The following RORA variants were observed in gnomAD, a reference collection of about 807,000 sequenced individuals.
RORA encodes the protein RAR related orphan receptor A.
RORA carries 7 observed loss-of-function variants against 69.5 expected under a neutral mutation model. The observed-to-expected ratio is 0.10, with a 90% CI of 0.06 to 0.19. The LOEUF is 0.19. Among genes scored for constraint, RORA ranks in the 10% least tolerant of loss-of-function variants. RORA has a pLI of 1.00. For missense variants in RORA, 457 were observed against 663.0 expected (o/e 0.69, Z 3.41); for synonymous variants, 261 against 240.8 (o/e 1.08, Z -0.78).
intron 2 of RORA, among the ~76,000 whole-genome samples, chr15:60,549,440 G>A (rs1464595964): frequency 2.0e-5 from 3 of 152,140 alleles, no homozygotes; most frequent in African/African-American, 4.8e-5. Flanking sequence ...TATTTGCTAT[G>A]TTTTTTAGTG....
At chr15:60,803,146 T>C (rs1420850544) in intron 1 of RORA, among the ~76,000 whole-genome samples, 1 of 152,222 alleles carries the variant, frequency 6.6e-6, no homozygotes, top group Non-Finnish European at 1.5e-5. Context: ...AGGAACACAA[T>C]GGCCTGTGCC....
At chr15:60,553,701 C>G (rs1470275013) in intron 2 of RORA, among the ~76,000 whole-genome samples, 4 of 152,128 alleles carry the variant, frequency 2.6e-5, no homozygotes, top group Non-Finnish European at 5.9e-5. Flanking sequence ...GCCCTCTGCC[C>G]CAACCCCATA....
intron 1 of RORA, among the ~76,000 whole-genome samples, chr15:60,987,895 C>T (rs1362476215): frequency 1.3e-5 from 2 of 152,184 alleles, no homozygotes; most frequent in African/African-American, 4.8e-5. Flanking sequence ...TGAAGGCAAG[C>T]CCTCTTTACC....
chr15:60,925,789 T>C (rs1424480250), intron 1 of RORA, among the ~76,000 whole-genome samples: 1 of 152,192 alleles, frequency 6.6e-6, no homozygotes, highest in East Asian at 1.9e-4. Context: ...TTTCTGTCCA[T>C]TTTTGTGTTC....
intron 2 of RORA, among the ~76,000 whole-genome samples, chr15:60,580,285 C>G (rs1484221213): frequency 6.6e-6 from 1 of 152,118 alleles, no homozygotes; most frequent in Non-Finnish European, 1.5e-5. Flanking sequence ...TGTCACACAC[C>G]TGTTAAGTAA....
chr15:60,542,644 ACACACGGGCACACCTCACACACATGG>A (rs1185277628), intron 2 of RORA, among the ~76,000 whole-genome samples: 101 of 102,124 alleles, frequency 9.9e-4, no homozygotes, highest in Middle Eastern at 5.3e-3. Context: ...CTCACACACG[ACACACGGGCACACCTCACACACATGG>A]CACACGGGCA....
chr15:60,900,701 G>A (rs769963595), intron 1 of RORA, among the ~76,000 whole-genome samples: 12 of 151,932 alleles, frequency 7.9e-5, no homozygotes, highest in Non-Finnish European at 1.6e-4. Flanking sequence ...GTGAAACCCC[G>A]TCTCTACTAA....
chr15:60,693,678 G>T (rs1186159648), intron 1 of RORA, among the ~76,000 whole-genome samples: 1 of 152,126 alleles, frequency 6.6e-6, no homozygotes, highest in Non-Finnish European at 1.5e-5. Flanking sequence ...AATCATGAAT[G>T]AACTCCCATG....
chr15:61,125,111 CTATAAAA>C (rs1041562566), intron 1 of RORA, among the ~76,000 whole-genome samples: 10 of 152,116 alleles, frequency 6.6e-5, no homozygotes, highest in African/African-American at 2.2e-4. Flanking sequence ...AATAAATTGC[CTATAAAA>C]TATAAAACTG....
intron 3 of RORA, among the ~76,000 whole-genome samples, chr15:60,522,869 A>G (rs2066218258): frequency 6.6e-6 from 1 of 151,828 alleles, no homozygotes; most frequent in African/African-American, 2.4e-5. Context: ...CAGGAGTTCG[A>G]GACCAGCCTG....
At chr15:61,085,809 C>T (rs551764365) in intron 1 of RORA, among the ~76,000 whole-genome samples, 1 of 152,348 alleles carries the variant, frequency 6.6e-6, no homozygotes, top group East Asian at 1.9e-4. Context: ...TATGCAAAGA[C>T]AAGCAGCATA....
chr15:60,773,141 T>C (rs1257279716), intron 1 of RORA, among the ~76,000 whole-genome samples: 1 of 152,162 alleles, frequency 6.6e-6, no homozygotes, highest in East Asian at 1.9e-4. Flanking sequence ...CTGAAGGTTG[T>C]GAGGATGAAG....
intron 1 of RORA, among the ~76,000 whole-genome samples, chr15:60,987,097 G>A (rs970102035): frequency 6.6e-6 from 1 of 152,158 alleles, no homozygotes; most frequent in Non-Finnish European, 1.5e-5. Context: ...ACATAACAAG[G>A]GATATGATGA....
chr15:61,139,327 G>C (rs1009792560), intron 1 of RORA, among the ~76,000 whole-genome samples: 5 of 152,052 alleles, frequency 3.3e-5, no homozygotes. Flanking sequence ...ATCGTTCCAC[G>C]GAGCACAGTC....
intron 1 of RORA, among the ~76,000 whole-genome samples, chr15:60,924,934 C>T (rs1350331629): frequency 1.3e-5 from 2 of 151,944 alleles, no homozygotes; most frequent in African/African-American, 2.4e-5. Flanking sequence ...CAAAAATTAG[C>T]TGTGCGTGGT....
At chr15:60,945,439 G>A (rs768321898) in intron 1 of RORA, among the ~76,000 whole-genome samples, 4 of 152,142 alleles carry the variant, frequency 2.6e-5, no homozygotes, top group Non-Finnish European at 5.9e-5. Flanking sequence ...CAGGGGAAAC[G>A]TTGTTATATC....
intron 2 of RORA, chr15:60,592,317 C>G (rs571131546): frequency 1.7e-6 from 2 of 1,170,354 alleles, no homozygotes; most frequent in African/African-American, 1.6e-5. Flanking sequence ...CACCCCTCCC[C>G]CTGCGCGCCC....
At chr15:60,857,967 G>A (rs1308193431) in intron 1 of RORA, among the ~76,000 whole-genome samples, 2 of 152,200 alleles carry the variant, frequency 1.3e-5, no homozygotes, top group African/African-American at 4.8e-5. Flanking sequence ...TAAGAGTGAG[G>A]ACTCTGAGAT....
chr15:60,846,863 T>C (rs1456579094), intron 1 of RORA, among the ~76,000 whole-genome samples: 1 of 152,262 alleles, frequency 6.6e-6, no homozygotes, highest in Non-Finnish European at 1.5e-5. Flanking sequence ...TACTAGACTT[T>C]ATGCAAAACC....
Sources: allele counts gnomAD v4.1 joint callset (sites outside exome capture counted in the v4.1 genomes callset), GRCh38; gene constraint gnomAD v4.1.1; transcripts MANE v1.5; gene names NCBI Gene and HGNC (gene_info 2026-07-23, HGNC 2026-07-21).